LRRC37A3: variants seen among roughly 807,000 people sequenced by gnomAD.
LRRC37A3 encodes leucine-rich repeat-containing protein 37A3.
Under a neutral mutation model 106.2 loss-of-function variants are expected in LRRC37A3, and 25 were observed. That is an observed-to-expected ratio of 0.24 (90% CI 0.17 to 0.33). LRRC37A3 has a LOEUF of 0.33. Among genes scored for constraint, LRRC37A3 ranks in the 10% least tolerant of loss-of-function variants. The probability of loss-of-function intolerance (pLI) is 1.00; values close to 1 mark genes in which losing one functional copy is unlikely to be tolerated. For synonymous variants in LRRC37A3, 305 were observed against 635.8 expected, an observed-to-expected ratio of 0.48 and a Z score of 7.83; for missense variants, 712 against 1,644.9, an observed-to-expected ratio of 0.43 and a Z score of 9.81.
At chr17:64,868,053 G>A (rs1047584643) in intron 10 of LRRC37A3, among the ~76,000 whole-genome samples, 2 of 151,742 alleles carry the variant, frequency 1.3e-5, no homozygotes, top group African/African-American at 4.9e-5. Flanking sequence ...CAGCCTGGGT[G>A]ACAGAGTGAG....
chr17:64,879,529 A>T (rs1274274676), intron 8 of LRRC37A3, among the ~76,000 whole-genome samples: 3 of 152,148 alleles, frequency 2.0e-5, no homozygotes, highest in African/African-American at 7.2e-5. Context: ...TTCCTATTCC[A>T]TATGGTTTTT....
At chr17:64,872,210 CAA>C (rs60703427) in intron 8 of LRRC37A3, among the ~76,000 whole-genome samples, 1,482 of 61,836 alleles carry the variant, frequency 0.024, 30 homozygotes, top group African/African-American at 0.079. Context: ...AAAAAATAGC[CAA>C]AAAAAAAAAA....
Position 64,869,152 on chromosome 17 carries a change from T to C in LRRC37A3, c.2921A>G (p.Asn974Ser), listed in dbSNP as rs568446370. Residue 974 changes from asparagine to serine, a missense_variant, in exon 9 of 15, where the codon AAT (asparagine) becomes AGT (serine). By Grantham distance (46) the Asn-to-Ser change is conservative (BLOSUM62 1). Transcript: ENST00000584306. Reference protein sequence around the residue: ...QFLHKLILNHNPLTTVEDPYL... With the variant: ...QFLHKLILNHSPLTTVEDPYL... ...TGGATCTTCAACAGTTGTCAGAGGA[T>C]TGTGATTGAGAATTCTGAAAAATGG... The C allele has an allele frequency of 5.0e-6, 8 of 1,611,554 alleles. No individual in the cohort carries two copies. The East Asian group carries it at 6.7e-5, about 13-fold the overall frequency.
intron 8 of LRRC37A3, among the ~76,000 whole-genome samples, chr17:64,883,423 A>C (rs1973767540): frequency 6.6e-6 from 1 of 150,398 alleles, no homozygotes; most frequent in Non-Finnish European, 1.5e-5. Flanking sequence ...TGATTTCAGG[A>C]TTTTGTGGGG....
At chr17:64,919,121 G>A (rs1188959507) in intron 1 of LRRC37A3, among the ~76,000 whole-genome samples, 3 of 151,632 alleles carry the variant, frequency 2.0e-5, no homozygotes, top group South Asian at 2.1e-4. Flanking sequence ...CACCTGCCCC[G>A]GCTGCTGCCG....
At chr17:64,912,344 C>T (rs1598437807) in intron 2 of LRRC37A3, among the ~76,000 whole-genome samples, 1 of 149,932 alleles carries the variant, frequency 6.7e-6, no homozygotes, top group African/African-American at 2.5e-5. Context: ...TATATATATA[C>T]ACACATACAC....
At position 64,860,345 on chromosome 17, in the gene LRRC37A3, C is replaced by T; in HGVS notation, c.3801G>A (p.Gln1267=). 9 of 1,613,946 alleles carry T rather than the reference C, an allele frequency of 5.6e-6. No homozygotes were observed. Among genetic ancestry groups the T allele is most frequent in the Non-Finnish European group, 7.6e-6 (9 of 1,179,872 alleles). Residue 1267 remains glutamine (Q), a synonymous_variant, in exon 12 of 15, where the codon CAG becomes CAA. Coordinates refer to ENST00000584306, the MANE Select transcript of LRRC37A3 (RefSeq NM_199340.5). ...TTAAGTCTTTCCATCTGTCTCTCAC[C>T]TGTGGTAGGGCTTTTGCAGGGCTGG... ...STSSPAKALP[Q]VRDRWKDLTH...
intron 14 of LRRC37A3, among the ~76,000 whole-genome samples, chr17:64,855,041 T>C (rs1347106795): frequency 2.6e-5 from 4 of 152,158 alleles, no homozygotes; most frequent in Non-Finnish European, 5.9e-5. Flanking sequence ...TTCACCATGT[T>C]GGTCAGGCTG....
intron 8 of LRRC37A3, among the ~76,000 whole-genome samples, chr17:64,875,306 G>A (rs1973474061): frequency 6.6e-6 from 1 of 152,088 alleles, no homozygotes; most frequent in South Asian, 2.1e-4. Context: ...CACAACAGTG[G>A]AGGACAAAAG....
At position 64,915,292 on chromosome 17, in the gene LRRC37A3, G is replaced by A. The variant is rs146088505; in HGVS notation, c.-496+3458C>T. ...ACAGTGAAAAAAGGTGTGGAACAAC[G>A]ACCACAACAAAATCAAAGAGGAAAA... On this transcript the variant is annotated intron_variant, in intron 2 of 14. Coordinates refer to ENST00000584306, the MANE Select transcript of LRRC37A3 (RefSeq NM_199340.5). 6.6e-3 allele frequency among the ~76,000 whole-genome samples: 984 copies of A among 148,820 alleles called. 29 individuals are homozygous for A. The highest frequency in any genetic ancestry group is 0.025 in the African/African-American group (944 of 38,224).
At chr17:64,874,508 G>A (rs543903864) in intron 8 of LRRC37A3, among the ~76,000 whole-genome samples, 4 of 151,350 alleles carry the variant, frequency 2.6e-5, no homozygotes, top group Non-Finnish European at 5.9e-5. Context: ...CAGCCGCCCC[G>A]TCCGGGAGGT....
intron 8 of LRRC37A3, among the ~76,000 whole-genome samples, chr17:64,880,438 C>T (rs369659729): frequency 2.0e-5 from 3 of 152,188 alleles, no homozygotes; most frequent in Admixed American, 6.5e-5. Flanking sequence ...CATGAGCCAG[C>T]GCGCCCAGCC....
intron 8 of LRRC37A3, chr17:64,881,098 C>T (rs1018301980): frequency 3.4e-5 from 24 of 700,848 alleles, no homozygotes; most frequent in Admixed American, 4.0e-5. Flanking sequence ...AACCTCTTTC[C>T]TTTATTCATC....
At chr17:64,870,937 T>C (rs1375737575) in intron 8 of LRRC37A3, among the ~76,000 whole-genome samples, 1 of 150,388 alleles carries the variant, frequency 6.6e-6, no homozygotes, top group African/African-American at 2.4e-5. Context: ...TGGTGTGATC[T>C]TGGCTCACTG....
At chr17:64,913,129 A>G (rs1325609931) in intron 2 of LRRC37A3, among the ~76,000 whole-genome samples, 7 of 151,418 alleles carry the variant, frequency 4.6e-5, no homozygotes, top group Admixed American at 4.6e-4. Context: ...CCCGGCTTCA[A>G]GCAATTCTCT....
chr17:64,880,476 G>T (rs934033998), intron 8 of LRRC37A3, among the ~76,000 whole-genome samples: 9 of 152,088 alleles, frequency 5.9e-5, no homozygotes, highest in South Asian at 2.1e-4. Context: ...CACAGTAGAT[G>T]ATCATTTCCA....
chr17:64,872,888 T>C (rs913875723), intron 8 of LRRC37A3, among the ~76,000 whole-genome samples: 2 of 151,998 alleles, frequency 1.3e-5, no homozygotes, highest in Admixed American at 6.5e-5. Context: ...AAGTGAAAGC[T>C]AAGGCATGGC....
At chr17:64,863,540 A>T (rs1479899858) in intron 10 of LRRC37A3, 2 of 156,612 alleles carry the variant, frequency 1.3e-5, no homozygotes, top group East Asian at 3.8e-4. Context: ...ATAAGTTACA[A>T]CATATTTAAT....
intron 2 of LRRC37A3, among the ~76,000 whole-genome samples, chr17:64,918,407 C>T (rs1292057612): frequency 6.6e-6 from 1 of 151,120 alleles, no homozygotes; most frequent in Non-Finnish European, 1.5e-5. Context: ...TACCCAGGTT[C>T]CCATCAATGG....
Sources: gnomAD v4.1 joint callset for allele counts (sites outside exome capture counted in the v4.1 genomes callset) on GRCh38, gnomAD v4.1.1 for gene constraint, MANE v1.5 for transcripts, NCBI Gene and HGNC (gene_info 2026-07-23, HGNC 2026-07-21) for gene names.